DLGAP5: variants seen among roughly 807,000 people sequenced by gnomAD.
DLGAP5 encodes disks large-associated protein 5.
In DLGAP5, 90 loss-of-function variants were observed where a neutral mutation model predicts 99.6. That is an observed-to-expected ratio of 0.90 (90% CI 0.76 to 1.08). DLGAP5 has a LOEUF of 1.08. DLGAP5 is among the 50% of genes least tolerant of loss of function. DLGAP5 has a pLI of 0.00. For synonymous variants in DLGAP5, 311 were observed against 321.3 expected (o/e 0.97, Z 0.34); for missense variants, 1,036 against 983.5 (o/e 1.05, Z -0.71).
intron 2 of DLGAP5, among the ~76,000 whole-genome samples, chr14:55,184,094 AG>A (rs1469393300): frequency 2.6e-5 from 4 of 152,046 alleles, no homozygotes; most frequent in African/African-American, 9.7e-5. Context: ...TGGAGGTTGC[AG>A]TGAGCCAAGA....
At chr14:55,157,533 A>C (rs1223543439) in intron 14 of DLGAP5, among the ~76,000 whole-genome samples, 1 of 152,358 alleles carries the variant, frequency 6.6e-6, no homozygotes, top group Non-Finnish European at 1.5e-5. Context: ...ATGGCTTATA[A>C]ATAAATAATT....
At position 55,169,571 on chromosome 14, in the gene DLGAP5, AAG is replaced by A. The variant is rs769195093; in HGVS notation, c.1388-14_1388-13del. ...AATAAGATCTTTAGCTGAAGGAAAT[AAG>A]AGATTTTTTAAAATTAAAGGACAAA... is the stretch of plus-strand genomic sequence containing the variant. On this transcript the variant is annotated splice_polypyrimidine_tract_variant and intron_variant, in intron 11 of 18. Transcript: ENST00000247191. The A allele has an allele frequency of 5.1e-6, 8 of 1,575,762 alleles. No individual in the cohort carries two copies. Among genetic ancestry groups the A allele is most frequent in the Non-Finnish European group, 6.9e-6 (8 of 1,167,814 alleles).
chr14:55,171,076 G>A (rs913891997), intron 10 of DLGAP5, among the ~76,000 whole-genome samples: 2 of 152,130 alleles, frequency 1.3e-5, no homozygotes, highest in Admixed American at 6.6e-5. Flanking sequence ...TTTTTCAGAG[G>A]TTGATCAAAG....
At chr14:55,180,572 T>C in intron 6 of DLGAP5, 84 bp downstream of exon 6, 1 of 1,568,704 alleles carries the variant, frequency 6.4e-7, no homozygotes, top group Non-Finnish European at 8.7e-7. Context: ...CTCAAAGAAG[T>C]ACTTGTTGAT....
chr14:55,174,740 G>A (rs1405238061), intron 10 of DLGAP5, among the ~76,000 whole-genome samples: 1 of 152,094 alleles, frequency 6.6e-6, no homozygotes, highest in African/African-American at 2.4e-5. Context: ...TGCCAGGCTG[G>A]AGTGCAGTGG....
intron 7 of DLGAP5, among the ~76,000 whole-genome samples, chr14:55,179,156 C>G (rs1160343159): frequency 6.6e-6 from 1 of 152,146 alleles, no homozygotes; most frequent in African/African-American, 2.4e-5. Context: ...ATGCTAGATG[C>G]AGGCAGAAAT....
intron 13 of DLGAP5, among the ~76,000 whole-genome samples, chr14:55,160,452 A>C (rs1458134905): frequency 1.3e-5 from 2 of 151,184 alleles, no homozygotes; most frequent in Admixed American, 1.3e-4. Context: ...TTTATTTACT[A>C]CTTTTTGTTA....
At chr14:55,171,730 G>A (rs1882866234) in intron 10 of DLGAP5, among the ~76,000 whole-genome samples, 1 of 152,172 alleles carries the variant, frequency 6.6e-6, no homozygotes, top group Non-Finnish European at 1.5e-5. Context: ...TCCACTGACA[G>A]ACAAAGGGAT....
intron 12 of DLGAP5, among the ~76,000 whole-genome samples, chr14:55,165,545 C>CA (rs1326785829): frequency 1.3e-5 from 2 of 151,216 alleles, no homozygotes; most frequent in Non-Finnish European, 3.0e-5. Flanking sequence ...AAAAAAACCC[C>CA]AAAAAAACCC....
chr14:55,148,799 G>GT (rs902725631), intron 18 of DLGAP5: 57 of 357,702 alleles, frequency 1.6e-4, no homozygotes, highest in East Asian at 6.5e-4. Context: ...GTATATTACA[G>GT]TTTTTTTTAT....
intron 10 of DLGAP5, 31 bp downstream of exon 10, chr14:55,175,315 A>C: frequency 6.3e-7 from 1 of 1,591,310 alleles, no homozygotes; most frequent in Non-Finnish European, 8.5e-7. Context: ...TATTAATACA[A>C]AATTCTTACA....
intron 13 of DLGAP5, among the ~76,000 whole-genome samples, chr14:55,160,432 A>C (rs891022941): frequency 6.6e-6 from 1 of 151,234 alleles, no homozygotes; most frequent in Non-Finnish European, 1.5e-5. Flanking sequence ...AATACTGCAG[A>C]AAGGTTAGAT....
intron 10 of DLGAP5, among the ~76,000 whole-genome samples, chr14:55,172,981 C>CAAAAAA (rs71291818): frequency 8.6e-4 from 53 of 61,902 alleles, no homozygotes; most frequent in Non-Finnish European, 1.0e-3. Flanking sequence ...GACTCCGTCT[C>CAAAAAA]AAAAAAAAAA....
At chr14:55,163,358 C>T (rs1007190246) in intron 12 of DLGAP5, among the ~76,000 whole-genome samples, 1 of 152,112 alleles carries the variant, frequency 6.6e-6, no homozygotes, top group Non-Finnish European at 1.5e-5. Context: ...AAAAGATATC[C>T]TAAATGTTGT....
chr14:55,182,251 C>T, intron 4 of DLGAP5, 119 bp downstream of exon 4: 1 of 804,740 alleles, frequency 1.2e-6, no homozygotes, highest in Non-Finnish European at 1.9e-6. Flanking sequence ...ACTTTGGTAC[C>T]TGTTAACTCT....
chr14:55,172,411 G>A (rs1044826564), intron 10 of DLGAP5, among the ~76,000 whole-genome samples: 3 of 151,550 alleles, frequency 2.0e-5, no homozygotes, highest in African/African-American at 7.3e-5. Flanking sequence ...CTGTATTAAG[G>A]TTATAAATAT....
In DLGAP5 at chr14:55,177,235, G is replaced by A; in HGVS notation, c.876C>T (p.Asn292=). Residue 292 remains asparagine, a synonymous_variant, in exon 8 of 19, where the codon AAC becomes AAT. Coordinates refer to ENST00000247191, the MANE Select transcript of DLGAP5 (RefSeq NM_014750.5). ...TTTTTGCAGTATTTATCTCAGGTAA[G>A]TTTTCCATTTTTGATAAGACTCCAT... ...NPDGVLSKME[N]LPEINTAKIK... The A allele has an allele frequency of 1.2e-6, 2 of 1,613,362 alleles. No homozygotes were observed. The highest frequency in any genetic ancestry group is 1.7e-6 in the Non-Finnish European group (2 of 1,179,750).
At chr14:55,189,253 T>G in intron 1 of DLGAP5, 73 bp from the exon 2 acceptor site, 1 of 1,188,096 alleles carries the variant, frequency 8.4e-7, no homozygotes, top group Non-Finnish European at 1.2e-6. Context: ...ACAGTTCATT[T>G]CCTGTCCCAC....
chr14:55,182,024 C>T (rs1351043933), intron 4 of DLGAP5, among the ~76,000 whole-genome samples: 2 of 152,186 alleles, frequency 1.3e-5, no homozygotes, highest in Non-Finnish European at 2.9e-5. Context: ...CCTGATATCT[C>T]TATTACAGTA....
Sources: allele counts gnomAD v4.1 joint callset (sites outside exome capture counted in the v4.1 genomes callset), GRCh38; gene constraint gnomAD v4.1.1; transcripts MANE v1.5; gene names NCBI Gene and HGNC (gene_info 2026-07-23, HGNC 2026-07-21).